The following TLE1 variants were observed in gnomAD, a reference collection of about 807,000 sequenced individuals.
The protein encoded by TLE1 is transducin-like enhancer protein 1.
In TLE1, 21 loss-of-function variants were observed where a neutral mutation model predicts 89.8. The observed-to-expected ratio is 0.23, with a 90% confidence interval of 0.17 to 0.34. The LOEUF (loss-of-function observed/expected upper bound fraction) is 0.34. Ranked by LOEUF, TLE1 falls within the 10% of genes least tolerant of loss-of-function variation. The probability of loss-of-function intolerance (pLI) is 1.00; values close to 1 mark genes in which losing one functional copy is unlikely to be tolerated. For missense variants in TLE1, 795 were observed against 1,031.2 expected (o/e 0.77, Z 3.14); for synonymous variants, 447 against 407.6 (o/e 1.10, Z -1.16).
chr9:81,625,673 A>G (rs1825807325), intron 8 of TLE1, among the ~76,000 whole-genome samples: 1 of 152,182 alleles, frequency 6.6e-6, no homozygotes, highest in Non-Finnish European at 1.5e-5. Context: ...CGTCAAAAGA[A>G]AATGTTAAGA....
chr9:81,609,347 A>G (rs1342899903), intron 14 of TLE1, among the ~76,000 whole-genome samples: 1 of 152,160 alleles, frequency 6.6e-6, no homozygotes. Flanking sequence ...AGCCTCCCAA[A>G]GTGCTAGGAT....
intron 4 of TLE1, among the ~76,000 whole-genome samples, chr9:81,676,180 G>A (rs1341966869): frequency 1.3e-5 from 2 of 152,078 alleles, no homozygotes; most frequent in East Asian, 3.9e-4. Context: ...AACGTTCAGG[G>A]TCCAAAATGG....
chr9:81,612,381 T>C (rs1823831681), intron 12 of TLE1: 2 of 992,052 alleles, frequency 2.0e-6, no homozygotes, highest in African/African-American at 1.7e-5. Flanking sequence ...CAATTCCAAA[T>C]GAAAATCCAA....
At chr9:81,596,329 C>G (rs1456170263) in intron 14 of TLE1, among the ~76,000 whole-genome samples, 1 of 152,126 alleles carries the variant, frequency 6.6e-6, no homozygotes, top group Non-Finnish European at 1.5e-5. Context: ...ACATCAGTCA[C>G]AGGGGGCCTC....
intron 8 of TLE1, among the ~76,000 whole-genome samples, chr9:81,630,723 A>T (rs1480640719): frequency 6.6e-6 from 1 of 152,236 alleles, no homozygotes; most frequent in Admixed American, 6.5e-5. Context: ...TGCCAAGTAA[A>T]ATTAGACTTT....
intron 8 of TLE1, among the ~76,000 whole-genome samples, chr9:81,630,963 AT>A (rs1161815770): frequency 6.6e-6 from 1 of 152,222 alleles, no homozygotes; most frequent in African/African-American, 2.4e-5. Context: ...TAGTTTTCCC[AT>A]TTTAATCATC....
Position 81,610,278 on chromosome 9 carries a change from G to T in TLE1, c.1273C>A (p.Pro425Thr). 1 of 1,614,002 alleles carries T rather than the reference G, an allele frequency of 6.2e-7. No homozygotes were observed. Residue 425 changes from proline to threonine, a missense_variant, in exon 14 of 20, where the codon CCT (proline) becomes ACT (threonine). Transcript: ENST00000376499. ...GGAATGGTAGGTACTCTCATGTGAG[G>T]GGGAGGATCAAACCCCACCTGGAAA... is the stretch of plus-strand genomic sequence containing the variant. ...RSPMVGFDPPPHMRVPTIPPN... is the reference protein window; with the variant it reads ...RSPMVGFDPPTHMRVPTIPPN...
rs372540893 is a variant in TLE1, at chr9:81,643,531, C to T, written c.372+8683G>A. 1.9e-3 allele frequency among the ~76,000 whole-genome samples: 290 copies of T among 152,054 alleles called. 3 individuals are homozygous for T. The highest frequency in any genetic ancestry group is 6.6e-3 in the African/African-American group (272 of 41,488). ...GATTACAGGCATGAGCCACCGCACC[C>T]AGCCCTTTGTTTTGTTTTCTTAGAG... On this transcript the variant is annotated intron_variant, in intron 6 of 19. Coordinates refer to ENST00000376499, the MANE Select transcript of TLE1 (RefSeq NM_005077.5).
intron 8 of TLE1, among the ~76,000 whole-genome samples, chr9:81,629,200 T>A (rs1240087152): frequency 6.6e-6 from 1 of 152,208 alleles, no homozygotes; most frequent in Non-Finnish European, 1.5e-5. Flanking sequence ...GCATGCCCTA[T>A]TATAAATTTT....
At chr9:81,649,627 C>T (rs973633479) in intron 6 of TLE1, among the ~76,000 whole-genome samples, 9 of 152,256 alleles carry the variant, frequency 5.9e-5, no homozygotes, top group African/African-American at 1.2e-4. Flanking sequence ...AGACTAAGAG[C>T]GTGGCCTCTC....
intron 8 of TLE1, among the ~76,000 whole-genome samples, chr9:81,632,423 T>TC (rs1276569188): frequency 2.0e-5 from 3 of 150,646 alleles, no homozygotes. Flanking sequence ...ACTTTTATCT[T>TC]CCCCCCAAAA....
At chr9:81,633,232 G>A in intron 8 of TLE1, 116 bp downstream of exon 8, 2 of 1,527,896 alleles carry the variant, frequency 1.3e-6, no homozygotes, top group South Asian at 1.2e-5. Context: ...GAGAGAGACA[G>A]GGAGAGTGTG....
At chr9:81,614,452 G>A (rs1041295473) in intron 11 of TLE1, among the ~76,000 whole-genome samples, 2 of 152,120 alleles carry the variant, frequency 1.3e-5, no homozygotes, top group African/African-American at 4.8e-5. Flanking sequence ...ACAGTAACAG[G>A]GTTACAGGGC....
chr9:81,594,360 G>C (rs1330157421), intron 14 of TLE1, among the ~76,000 whole-genome samples: 1 of 151,978 alleles, frequency 6.6e-6, no homozygotes, highest in Non-Finnish European at 1.5e-5. Context: ...ATAAAAAAAA[G>C]GATGAGTTCA....
At chr9:81,648,722 G>C (rs1489567385) in intron 6 of TLE1, among the ~76,000 whole-genome samples, 1 of 152,168 alleles carries the variant, frequency 6.6e-6, no homozygotes, top group Non-Finnish European at 1.5e-5. Context: ...AATTATCCCT[G>C]CATTCAGGCA....
intron 4 of TLE1, among the ~76,000 whole-genome samples, chr9:81,685,294 A>G (rs1431589050): frequency 2.0e-5 from 3 of 152,156 alleles, no homozygotes; most frequent in African/African-American, 4.8e-5. Context: ...TCCCCCCAAC[A>G]GGTCCACACT....
At chr9:81,598,280 C>T (rs918997595) in intron 14 of TLE1, among the ~76,000 whole-genome samples, 4 of 152,148 alleles carry the variant, frequency 2.6e-5, no homozygotes, top group African/African-American at 9.7e-5. Flanking sequence ...ATATCACATG[C>T]TGTCACATCT....
At chr9:81,600,053 C>A (rs770509372) in intron 14 of TLE1, 1 of 724,136 alleles carries the variant, frequency 1.4e-6, no homozygotes, top group South Asian at 1.5e-5. Flanking sequence ...GTTCTAGGAC[C>A]TAACTTCCTC....
chr9:81,633,793 A>G, intron 7 of TLE1: 2 of 481,578 alleles, frequency 4.2e-6, no homozygotes, highest in Non-Finnish European at 7.3e-6. Context: ...TTCTTTGAAA[A>G]TTACCCAATT....
Sources: allele counts gnomAD v4.1 joint callset (sites outside exome capture counted in the v4.1 genomes callset), GRCh38; gene constraint gnomAD v4.1.1; transcripts MANE v1.5; gene names NCBI Gene and HGNC (gene_info 2026-07-23, HGNC 2026-07-21).